ZNF442: variants seen among roughly 807,000 people sequenced by gnomAD.
The protein encoded by ZNF442 is zinc finger protein 442.
Under a neutral mutation model 57.0 loss-of-function variants are expected in ZNF442, and 45 were observed. The ratio of observed to expected loss-of-function variants is 0.79; its 90% CI spans 0.62 to 1.01. The LOEUF is 1.01. Among genes scored for constraint, ZNF442 ranks in the 50% least tolerant of loss-of-function variants. The probability of loss-of-function intolerance (pLI) is 0.00; values close to 1 mark genes in which losing one functional copy is unlikely to be tolerated. For synonymous variants in ZNF442, 213 were observed against 241.8 expected, an observed-to-expected ratio of 0.88 and a Z score of 1.10; for missense variants, 690 against 756.5, an observed-to-expected ratio of 0.91 and a Z score of 1.03.
intron 3 of ZNF442, among the ~76,000 whole-genome samples, chr19:12,354,853 T>C (rs1032828368): frequency 6.6e-6 from 1 of 152,226 alleles, no homozygotes; most frequent in South Asian, 2.1e-4. Context: ...TAGTACGCAA[T>C]ACGTATGACA....
intron 3 of ZNF442, among the ~76,000 whole-genome samples, chr19:12,360,640 G>C (rs1321393829): frequency 1.3e-5 from 2 of 152,154 alleles, no homozygotes; most frequent in South Asian, 2.1e-4. Context: ...GCAGTGGCGC[G>C]ATCTCAGCTC....
intron 3 of ZNF442, among the ~76,000 whole-genome samples, chr19:12,355,517 C>T (rs1374778309): frequency 6.7e-6 from 1 of 150,076 alleles, no homozygotes; most frequent in Non-Finnish European, 1.5e-5. Flanking sequence ...GCACACCACA[C>T]GCCCGGCTAA....
At chr19:12,366,888 G>A (rs1246447679), upstream of ZNF442, among the ~76,000 whole-genome samples, 4 of 152,186 alleles carry the variant, frequency 2.6e-5, no homozygotes, top group African/African-American at 7.2e-5. Flanking sequence ...GCCGGCCTCG[G>A]CCTCCCAAAG....
Position 12,350,738 on chromosome 19 carries a change from G to A in ZNF442, c.847C>T (p.His283Tyr). The A allele has an allele frequency of 1.2e-6, 2 of 1,614,086 alleles. No homozygotes were observed. The highest frequency in any genetic ancestry group is 3.3e-5 in the Admixed American group (2 of 60,012). Residue 283 changes from histidine to tyrosine, a missense_variant, in exon 6 of 6, where the codon CAT (histidine) becomes TAT (tyrosine). His to Tyr is a moderately conservative substitution (Grantham distance 83, BLOSUM62 2). Coordinates refer to ENST00000242804, the MANE Select transcript of ZNF442 (RefSeq NM_030824.3). ...AFPDYSSYVRHERTHTGEKPY... is the reference protein window; with the variant it reads ...AFPDYSSYVRYERTHTGEKPY... ...TTTTCTCCAGTGTGAGTTCTTTCAT[G>A]TCTTACATAGGAACTGTAATCAGGG...
intron 3 of ZNF442, among the ~76,000 whole-genome samples, chr19:12,358,849 A>T (rs1282119177): frequency 6.6e-6 from 1 of 152,214 alleles, no homozygotes; most frequent in Non-Finnish European, 1.5e-5. Context: ...ACAACCAATC[A>T]GCCACCAGGC....
the ZNF442 span, chr19:12,373,700 C>T: frequency 6.8e-5 from 20 of 292,838 alleles, no homozygotes; most frequent in African/African-American, 4.2e-4. Context: ...TGTAAGTATG[C>T]GAAGGATGTA....
rs556253747 is a variant in ZNF442 at position 12,348,693 on chromosome 19, T to C, written c.*1008A>G. On this transcript the variant is annotated 3_prime_UTR_variant, in exon 6 of 6. Coordinates refer to ENST00000242804, the MANE Select transcript of ZNF442 (RefSeq NM_030824.3). The stretch of plus-strand genomic sequence containing the variant: ...CCTGTCAAGATTCAAGTGAGCCTGA[T>C]GTCTCACTGTTTATCTACAGTGCCA... The C allele has an allele frequency of 1.3e-5, 2 of 152,280 alleles. No homozygotes were observed. Among genetic ancestry groups the C allele is most frequent in the South Asian group, 2.1e-4 (1 of 4,826 alleles). The allele number at this position is 152,280 out of a possible 1,614,324, so 9.4% of individuals were successfully genotyped here.
chr19:12,351,201 T>A lies in ZNF442; in HGVS notation c.384A>T (p.Ser128=), dbSNP rs746916128. The A allele has an allele frequency of 2.2e-5, 36 of 1,614,074 alleles. No individual in the cohort carries two copies. In the South Asian group the frequency reaches 3.7e-4, roughly 17 times the overall value. The change falls in exon 6 of 6, where the codon TCA becomes TCT. Residue 128 remains serine (S), a synonymous_variant. Transcript: ENST00000242804. ...SSVCGEIMGC[S]FLNCYITFDA... Reference sequence around the variant, plus strand: ...CAAATGTGATATAGCAATTAAGGAATGAACAACCCATGATTTCTCCACACA... The same window carrying A: ...CAAATGTGATATAGCAATTAAGGAAAGAACAACCCATGATTTCTCCACACA...
chr19:12,349,564 A>G lies in ZNF442; in HGVS notation c.*137T>C, dbSNP rs1393169940. The G allele has an allele frequency of 1.2e-5, 10 of 862,026 alleles. No homozygotes were observed. The highest frequency in any genetic ancestry group is 5.1e-5 in the African/African-American group (3 of 58,790). The allele number at this position is 862,026 out of a possible 1,614,324, so 53.4% of individuals were successfully genotyped here. ...AGGGGGTCTGGAACCAATCCCCTGC[A>G]TATGGTTAGGGGATAACCATATTCA... is the stretch of plus-strand genomic sequence containing the variant. On this transcript the variant is annotated 3_prime_UTR_variant, in exon 6 of 6. Coordinates refer to ENST00000242804, the MANE Select transcript of ZNF442 (RefSeq NM_030824.3).
chr19:12,371,935 C>T, the ZNF442 span, among the ~76,000 whole-genome samples: 6 of 152,124 alleles, frequency 3.9e-5, no homozygotes, highest in Non-Finnish European at 8.8e-5. Flanking sequence ...CAAAAGAAAA[C>T]ATTGACAAGT....
rs1281686830 is a variant in ZNF442, at chr19:12,350,414, T to G, written c.1171A>C (p.Ser391Arg). 25 of 1,612,830 alleles carry G rather than the reference T, an allele frequency of 1.6e-5. No individual in the cohort carries two copies. Among genetic ancestry groups the G allele is most frequent in the Non-Finnish European group, 2.1e-5 (25 of 1,179,758 alleles). ...QCGKALSHHS[S>R]FRSHMIMHTG... Reference sequence around the variant, plus strand: ...TGCATTATCATATGACTTCGAAAGCTTGAGTGATGAGATAACGCTTTCCCA... The same window carrying G: ...TGCATTATCATATGACTTCGAAAGCGTGAGTGATGAGATAACGCTTTCCCA... The change falls in exon 6 of 6, where the codon AGC (serine) becomes CGC (arginine). Residue 391 changes from serine (S) to arginine (R), a missense_variant. Transcript: ENST00000242804.
At chr19:12,367,463 A>T (rs887632691), upstream of ZNF442, among the ~76,000 whole-genome samples, 8 of 152,160 alleles carry the variant, frequency 5.3e-5, no homozygotes, top group Non-Finnish European at 1.0e-4. Context: ...TCTTAACAGG[A>T]AACAGGGTTC....
At chr19:12,362,065 C>G (rs1054338032) in intron 3 of ZNF442, among the ~76,000 whole-genome samples, 21 of 152,184 alleles carry the variant, frequency 1.4e-4, no homozygotes, top group Non-Finnish European at 7.3e-5. Flanking sequence ...GATCTCGGCT[C>G]GCTACAACCT....
At chr19:12,366,518 G>T (rs972002398), upstream of ZNF442, among the ~76,000 whole-genome samples, 8 of 151,982 alleles carry the variant, frequency 5.3e-5, no homozygotes, top group Non-Finnish European at 8.8e-5. Flanking sequence ...ATAACTTCGA[G>T]ATAAACTGCA....
chr19:12,357,370 T>TC (rs1969349564), intron 3 of ZNF442, among the ~76,000 whole-genome samples: 1 of 103,464 alleles, frequency 9.7e-6, no homozygotes, highest in South Asian at 2.8e-4. Flanking sequence ...TTTTTTTTTT[T>TC]GGACAGAGTC....
chr19:12,360,711 C>G (rs7258856), intron 3 of ZNF442, among the ~76,000 whole-genome samples: 7,343 of 152,078 alleles, frequency 0.048, 589 homozygotes, highest in African/African-American at 0.17. Context: ...CAAGTAGCTG[C>G]GACTTCAGGT....
At chr19:12,366,457 T>C (rs1969531982), upstream of ZNF442, among the ~76,000 whole-genome samples, 1 of 148,492 alleles carries the variant, frequency 6.7e-6, no homozygotes, top group African/African-American at 2.6e-5. Context: ...TTTTAAACCT[T>C]TTTTTTCTTC....
Position 12,347,939 on chromosome 19 carries a change from GATA to G in ZNF442, c.*1759_*1761del, listed in dbSNP as rs1271593674. 2.0e-5 allele frequency: 3 copies of G among 152,190 alleles called. No homozygotes were observed. The highest frequency in any genetic ancestry group is 7.2e-5 in the African/African-American group (3 of 41,448). The allele number at this position is 152,190 out of a possible 1,614,324, so 9.4% of individuals were successfully genotyped here. On this transcript the variant is annotated 3_prime_UTR_variant, in exon 6 of 6. Transcript: ENST00000242804. ...ACTGAAATTCTCTGCAGATAATGAT[GATA>G]ATGATGATGCAGAAGACTTAGAAGA...
chr19:12,362,155 C>T (rs961593716), intron 3 of ZNF442, among the ~76,000 whole-genome samples: 14 of 152,172 alleles, frequency 9.2e-5, no homozygotes, highest in African/African-American at 1.2e-4. Context: ...ATCTGGGAAG[C>T]GAGGAGCATC....
Sources: allele counts gnomAD v4.1 joint callset (sites outside exome capture counted in the v4.1 genomes callset), GRCh38; gene constraint gnomAD v4.1.1; transcripts MANE v1.5; gene names NCBI Gene and HGNC (gene_info 2026-07-23, HGNC 2026-07-21).